The following PXDNL variants were observed in gnomAD, a reference collection of about 807,000 sequenced individuals.
PXDNL encodes peroxidasin like.
PXDNL carries 145 observed loss-of-function variants against 150.8 expected under a neutral mutation model. The ratio of observed to expected loss-of-function variants is 0.96; its 90% confidence interval spans 0.84 to 1.10. PXDNL has a LOEUF of 1.10. PXDNL is among the 50% of genes least tolerant of loss of function. The probability of loss-of-function intolerance (pLI) is 0.00; values close to 1 mark genes in which losing one functional copy is unlikely to be tolerated. For synonymous variants in PXDNL, 757 were observed against 725.7 expected, an observed-to-expected ratio of 1.04 and a Z score of -0.69; for missense variants, 2,087 against 1,873.9, an observed-to-expected ratio of 1.11 and a Z score of -2.10.
rs1449792481 is a variant in PXDNL, at chr8:51,423,721, T to C, written c.1649A>G (p.Gln550Arg). The C allele has an allele frequency of 1.2e-6, 2 of 1,613,300 alleles. No homozygotes were observed. The highest frequency in any genetic ancestry group is 1.7e-6 in the Non-Finnish European group (2 of 1,179,468). ...PIITWNKEGV[Q>R]ITESGKFHVD... ...ATGGAATTTACCACTCTCAGTAATC[T>C]GCACACCTTCCTAGGGAGCAAAAAA... The change falls in exon 14 of 23, where the codon CAG becomes CGG. Residue 550 changes from glutamine (Q) to arginine (R), a missense_variant. Gln to Arg is a conservative substitution (Grantham distance 43). Transcript: ENST00000356297.
At chr8:51,465,663 C>T (rs1810189471) in intron 8 of PXDNL, among the ~76,000 whole-genome samples, 1 of 152,046 alleles carries the variant, frequency 6.6e-6, no homozygotes, top group Non-Finnish European at 1.5e-5. Flanking sequence ...TACACTCCAC[C>T]AAAGCCTCCT....
At chr8:51,533,939 G>C (rs1295901698) in intron 4 of PXDNL, among the ~76,000 whole-genome samples, 3 of 151,096 alleles carry the variant, frequency 2.0e-5, no homozygotes, top group African/African-American at 7.4e-5. Flanking sequence ...TCTCTGCCTG[G>C]CCCCCCATCG....
intron 1 of PXDNL, among the ~76,000 whole-genome samples, chr8:51,730,906 C>T (rs960535292): frequency 6.6e-6 from 1 of 152,124 alleles, no homozygotes; most frequent in South Asian, 2.1e-4. Context: ...GAAAGACCCA[C>T]CCCCATGATT....
intron 20 of PXDNL, among the ~76,000 whole-genome samples, chr8:51,341,137 C>T (rs1805974240): frequency 6.6e-6 from 1 of 152,190 alleles, no homozygotes; most frequent in Non-Finnish European, 1.5e-5. Context: ...TGTGAGGGTG[C>T]TGCCGTTAGG....
intron 1 of PXDNL, among the ~76,000 whole-genome samples, chr8:51,727,425 A>G (rs978861047): frequency 6.6e-6 from 1 of 152,244 alleles, no homozygotes; most frequent in Non-Finnish European, 1.5e-5. Flanking sequence ...CAATAATGCA[A>G]AATACTATAA....
chr8:51,611,194 G>A (rs1813991629), intron 2 of PXDNL, among the ~76,000 whole-genome samples: 2 of 152,084 alleles, frequency 1.3e-5, no homozygotes, highest in Non-Finnish European at 2.9e-5. Flanking sequence ...TAATTAGCAT[G>A]CCATGTAATA....
rs563795701 is a variant in PXDNL at position 51,354,510 on chromosome 8, T to C, written c.3902-8563A>G. 3.9e-5 allele frequency among the ~76,000 whole-genome samples: 6 copies of C among 152,236 alleles called. No individual in the cohort carries two copies. The South Asian group carries it at 1.2e-3, about 32-fold the overall frequency. On this transcript the variant is annotated intron_variant, in intron 19 of 22. Coordinates refer to ENST00000356297, the MANE Select transcript of PXDNL (RefSeq NM_144651.5). ...GTTAAAATGTCAAGATTGTTGCATT[T>C]GTAATTCATTAGCATAAGATTCTAA... is the stretch of plus-strand genomic sequence containing the variant.
At chr8:51,325,925 A>G (rs1805470292) in intron 21 of PXDNL, among the ~76,000 whole-genome samples, 1 of 152,120 alleles carries the variant, frequency 6.6e-6, no homozygotes, top group Non-Finnish European at 1.5e-5. Context: ...GTTATTGTCT[A>G]GAAGTTACCT....
chr8:51,472,155 A>C, intron 8 of PXDNL, 32 bp downstream of exon 8: 1 of 1,382,654 alleles, frequency 7.2e-7, no homozygotes, highest in Non-Finnish European at 1.0e-6. Flanking sequence ...TCAGAAGGAG[A>C]ATCACAACCC....
chr8:51,586,257 A>T (rs965922862), intron 3 of PXDNL, among the ~76,000 whole-genome samples: 1 of 152,202 alleles, frequency 6.6e-6, no homozygotes, highest in African/African-American at 2.4e-5. Flanking sequence ...AGCTGGCTAG[A>T]GAAAGAGAAG....
At chr8:51,346,921 T>G (rs1452841961) in intron 19 of PXDNL, among the ~76,000 whole-genome samples, 2 of 152,098 alleles carry the variant, frequency 1.3e-5, no homozygotes, top group East Asian at 3.9e-4. Flanking sequence ...ATGCAAAAAC[T>G]GCCTAATACA....
At chr8:51,566,448 T>C (rs1376727530) in intron 3 of PXDNL, among the ~76,000 whole-genome samples, 1 of 152,000 alleles carries the variant, frequency 6.6e-6, no homozygotes, top group South Asian at 2.1e-4. Context: ...AGGTTATTAA[T>C]TATTGATTCA....
intron 3 of PXDNL, among the ~76,000 whole-genome samples, chr8:51,580,188 A>G (rs1349682335): frequency 6.6e-6 from 1 of 152,072 alleles, no homozygotes; most frequent in Admixed American, 6.6e-5. Context: ...CAGCTATAAA[A>G]GAGCAACATG....
At chr8:51,663,418 G>T (rs118005104) in intron 1 of PXDNL, among the ~76,000 whole-genome samples, 4 of 152,122 alleles carry the variant, frequency 2.6e-5, no homozygotes, top group African/African-American at 9.7e-5. Context: ...AGTGTTCCAC[G>T]TTAAATCCCT....
chr8:51,336,557 C>A (rs546757907), intron 21 of PXDNL, among the ~76,000 whole-genome samples: 8 of 152,166 alleles, frequency 5.3e-5, no homozygotes, highest in Non-Finnish European at 1.2e-4. Context: ...TTCGTCATCC[C>A]CATCTACCTT....
intron 19 of PXDNL, among the ~76,000 whole-genome samples, chr8:51,368,855 G>A (rs973032212): frequency 6.6e-6 from 1 of 152,022 alleles, no homozygotes; most frequent in Admixed American, 6.6e-5. Flanking sequence ...AATTAGCCGG[G>A]CGCAGTGGTG....
chr8:51,621,918 TG>T lies in PXDNL; in HGVS notation c.237-29221del, dbSNP rs1446688971. ...AAGATCATGCCATTGCAGGCCAGCATGGGTGACAGAGTGAGACCCTGTCTCA... is the reference window on the plus strand; with the variant it reads ...AAGATCATGCCATTGCAGGCCAGCATGGTGACAGAGTGAGACCCTGTCTCA... On this transcript the variant is annotated intron_variant, in intron 2 of 22. Coordinates refer to ENST00000356297, the MANE Select transcript of PXDNL (RefSeq NM_144651.5). Among the ~76,000 whole-genome samples, 5 of 135,376 alleles carry T rather than the reference TG, an allele frequency of 3.7e-5. No individual in the cohort carries two copies. The East Asian group carries it at 1.1e-3, about 31-fold the overall frequency. 88.8% of individuals were successfully genotyped at this position (135,376 alleles called of 152,430 possible). A position where few individuals can be genotyped will look rare whatever the true frequency, so the allele number is the denominator to read the frequency against.
intron 4 of PXDNL, among the ~76,000 whole-genome samples, chr8:51,519,897 C>T (rs899759449): frequency 1.3e-5 from 2 of 152,102 alleles, no homozygotes; most frequent in African/African-American, 2.4e-5. Flanking sequence ...GTGAGCCATC[C>T]CTAAATCTGA....
chr8:51,568,589 T>C (rs554781378), intron 3 of PXDNL, among the ~76,000 whole-genome samples: 1 of 151,052 alleles, frequency 6.6e-6, no homozygotes, highest in African/African-American at 2.4e-5. Context: ...GATTCTTTGG[T>C]ATTTATTCTG....
Sources: gnomAD v4.1 joint callset for allele counts (sites outside exome capture counted in the v4.1 genomes callset) on GRCh38, gnomAD v4.1.1 for gene constraint, MANE v1.5 for transcripts, NCBI Gene and HGNC (gene_info 2026-07-23, HGNC 2026-07-21) for gene names.